SH2D1B: variants seen among roughly 807,000 people sequenced by gnomAD.
SH2D1B encodes SH2 domain containing 1B.
In SH2D1B, 11 loss-of-function variants were observed where a neutral mutation model predicts 16.3. The observed-to-expected ratio is 0.67, with a 90% CI of 0.42 to 1.11. The LOEUF is 1.11. Among genes scored for constraint, SH2D1B ranks in the 50% most tolerant of loss-of-function variants. SH2D1B has a pLI of 0.00. For synonymous variants in SH2D1B, 55 were observed against 56.1 expected, an observed-to-expected ratio of 0.98 and a Z score of 0.09; for missense variants, 123 against 153.1, an observed-to-expected ratio of 0.80 and a Z score of 1.04.
intron 3 of SH2D1B, 128 bp from the exon 4 acceptor site, chr1:162,397,443 T>G: frequency 1.0e-6 from 1 of 964,964 alleles, no homozygotes; most frequent in Non-Finnish European, 1.6e-6. Flanking sequence ...CACCTGAAAG[T>G]TGTATCTTTA....
chr1:162,397,468 A>G (rs1306872732), intron 3 of SH2D1B, among the ~76,000 whole-genome samples, 153 bp from the exon 4 acceptor site: 1 of 152,198 alleles, frequency 6.6e-6, no homozygotes, highest in African/African-American at 2.4e-5. Flanking sequence ...CTGGGGTACT[A>G]CAGGGAGCCC....
intron 1 of SH2D1B, among the ~76,000 whole-genome samples, chr1:162,407,092 C>T (rs1460585928): frequency 6.6e-6 from 1 of 152,234 alleles, no homozygotes; most frequent in African/African-American, 2.4e-5. Context: ...TCTTTTATTT[C>T]TAACCTTCCT....
At chr1:162,403,510 A>AAAAAAAAAAAAAAC (rs1648578733) in intron 1 of SH2D1B, among the ~76,000 whole-genome samples, 1 of 15,206 alleles carries the variant, frequency 6.6e-5, no homozygotes, top group African/African-American at 1.8e-4. Flanking sequence ...AAAAAAAAAA[A>AAAAAAAAAAAAAAC]AATATATATA....
intron 1 of SH2D1B, among the ~76,000 whole-genome samples, chr1:162,404,794 G>A (rs553603691): frequency 1.1e-4 from 16 of 152,306 alleles, no homozygotes; most frequent in Admixed American, 5.9e-4. Flanking sequence ...AAGACTGACC[G>A]TTCCACATGT....
intron 1 of SH2D1B, among the ~76,000 whole-genome samples, chr1:162,409,081 C>T (rs1300220952): frequency 1.3e-5 from 2 of 148,410 alleles, no homozygotes; most frequent in Non-Finnish European, 3.0e-5. Context: ...TGCACTCCAG[C>T]CTAGGAGCTG....
intron 1 of SH2D1B, among the ~76,000 whole-genome samples, chr1:162,409,127 A>G (rs934120047): frequency 1.9e-4 from 29 of 151,396 alleles, no homozygotes; most frequent in South Asian, 1.7e-3. Context: ...AAAAAGAAAG[A>G]AAGGAAGGAA....
chr1:162,406,911 G>C (rs1648664728), intron 1 of SH2D1B, among the ~76,000 whole-genome samples: 1 of 152,168 alleles, frequency 6.6e-6, no homozygotes, highest in South Asian at 2.1e-4. Context: ...GATAAAGGCA[G>C]ACAGTTTAGA....
intron 3 of SH2D1B, among the ~76,000 whole-genome samples, 175 bp downstream of exon 3, chr1:162,398,748 C>T (rs529262773): frequency 3.8e-4 from 58 of 152,292 alleles, no homozygotes; most frequent in African/African-American, 1.4e-3. Flanking sequence ...TGTCTTGGCC[C>T]TCAGGGACTA....
At chr1:162,407,019 G>C (rs1648666347) in intron 1 of SH2D1B, among the ~76,000 whole-genome samples, 1 of 152,156 alleles carries the variant, frequency 6.6e-6, no homozygotes, top group African/African-American at 2.4e-5. Context: ...CCTGTCCACA[G>C]TTACCACATA....
At chr1:162,408,894 G>T (rs1408766226) in intron 1 of SH2D1B, among the ~76,000 whole-genome samples, 1 of 152,032 alleles carries the variant, frequency 6.6e-6, no homozygotes, top group East Asian at 1.9e-4. Context: ...GATCACTGGA[G>T]CCCAGGAGCT....
intron 1 of SH2D1B, 93 bp from the exon 2 acceptor site, chr1:162,402,895 T>A: frequency 1.0e-6 from 1 of 995,286 alleles, no homozygotes; most frequent in Non-Finnish European, 1.6e-6. Context: ...TTTGTTAATC[T>A]ACAATCCTAA....
intron 1 of SH2D1B, among the ~76,000 whole-genome samples, chr1:162,408,066 CTTCT>C (rs1238117313): frequency 6.6e-6 from 1 of 152,194 alleles, no homozygotes; most frequent in African/African-American, 2.4e-5. Flanking sequence ...TGTCTGTTTA[CTTCT>C]TTATTTTCCC....
chr1:162,397,996 C>T (rs1648421556), intron 3 of SH2D1B, among the ~76,000 whole-genome samples: 1 of 152,128 alleles, frequency 6.6e-6, no homozygotes, highest in Admixed American at 6.6e-5. Context: ...GTACACACTG[C>T]CCTTCATGGG....
rs969367623 is a variant in SH2D1B at position 162,396,737 on chromosome 1, A to C, written c.*543T>G. 6.5e-6 allele frequency: 1 copy of C among 154,910 alleles called. No homozygotes were observed. The highest frequency in any genetic ancestry group is 1.9e-4 in the East Asian group (1 of 5,258). 9.6% of individuals were successfully genotyped at this position (154,910 alleles called of 1,614,324 possible). On this transcript the variant is annotated 3_prime_UTR_variant, in exon 4 of 4. Coordinates refer to ENST00000367929, the MANE Select transcript of SH2D1B (RefSeq NM_053282.5). Reference sequence around the variant, plus strand: ...ACAGAGAAGGTGCTGATCTGTATGCATCTCCATCACTCCCGATCCCTCACC... The same window carrying C: ...ACAGAGAAGGTGCTGATCTGTATGCCTCTCCATCACTCCCGATCCCTCACC...
At chr1:162,407,893 G>A (rs1475329733) in intron 1 of SH2D1B, among the ~76,000 whole-genome samples, 1 of 152,186 alleles carries the variant, frequency 6.6e-6, no homozygotes, top group Non-Finnish European at 1.5e-5. Context: ...TTAGGACCAC[G>A]CATGGAACAT....
Position 162,411,945 on chromosome 1 carries a change from C to T in SH2D1B, c.72G>A (p.Val24=), listed in dbSNP as rs1230089734. The T allele has an allele frequency of 1.2e-6, 2 of 1,614,162 alleles. No individual in the cohort carries two copies. Among genetic ancestry groups the T allele is most frequent in the East Asian group, 4.5e-5 (2 of 44,880 alleles). ...TGTCTCTTAAAAGAAAGTTGCCATC[C>T]ACCCCTTCCTTGAGCAGCAAGGTCT... ...DCETLLLKEG[V]DGNFLLRDSE... Residue 24 remains valine, a synonymous_variant, in exon 1 of 4, where the codon GTG becomes GTA. Transcript: ENST00000367929.
rs1648439868 is a variant in SH2D1B at position 162,398,913 on chromosome 1, G to C, written c.363+10C>G. 3 of 1,607,300 alleles carry C rather than the reference G, an allele frequency of 1.9e-6. No individual in the cohort carries two copies. Among genetic ancestry groups the C allele is most frequent in the East Asian group, 4.5e-5 (2 of 44,692 alleles). On this transcript the variant is annotated intron_variant, in intron 3 of 3. Transcript: ENST00000367929. ...AGATTGCTTTCTGACCCCCACGTGA[G>C]AGATTTTACCACAAATGTTTCCAAC...
intron 1 of SH2D1B, among the ~76,000 whole-genome samples, chr1:162,403,701 TACACAC>T (rs57093863): frequency 0.29 from 37,815 of 131,938 alleles, 5,574 homozygotes; most frequent in African/African-American, 0.35. Context: ...TGAAGAAAGT[TACACAC>T]ACACACACAC....
At position 162,395,457 on chromosome 1, in the gene SH2D1B, T is replaced by TTAAATAAA. The variant is rs1648351941; in HGVS notation, c.*1822_*1823insTTTATTTA. The TTAAATAAA allele has an allele frequency of 1.3e-5, 2 of 152,206 alleles. No individual in the cohort carries two copies. Among genetic ancestry groups the TTAAATAAA allele is most frequent in the Non-Finnish European group, 2.9e-5 (2 of 68,032 alleles). The allele number at this position is 152,206 out of a possible 1,614,324, so 9.4% of individuals were successfully genotyped here. On this transcript the variant is annotated 3_prime_UTR_variant, in exon 4 of 4. Transcript: ENST00000367929. Reference sequence around the variant, plus strand: ...ACATAATGTTTAAATAAAGAAAATTTCTAAGCATTCCCTGTAATACTGGGA... The same window carrying TTAAATAAA: ...ACATAATGTTTAAATAAAGAAAATTTTAAATAAACTAAGCATTCCCTGTAATACTGGGA...
Sources: allele counts gnomAD v4.1 joint callset (sites outside exome capture counted in the v4.1 genomes callset), GRCh38; gene constraint gnomAD v4.1.1; transcripts MANE v1.5; gene names NCBI Gene and HGNC (gene_info 2026-07-23, HGNC 2026-07-21).